The following STARD6 variants were observed in gnomAD, a reference collection of about 807,000 sequenced individuals.
The protein encoded by STARD6 is StAR related lipid transfer domain containing 6, also known as stAR-related lipid transfer protein 6.
A neutral mutation model predicts 22.3 loss-of-function variants in STARD6; 21 were observed. That is an observed-to-expected ratio of 0.94 (90% confidence interval 0.67 to 1.35). The LOEUF is 1.35. Among genes scored for constraint, STARD6 ranks in the 40% most tolerant of loss-of-function variants. STARD6 has a pLI of 0.00. For missense variants in STARD6, 269 were observed against 266.9 expected (o/e 1.01, Z -0.05); for synonymous variants, 80 against 88.1 (o/e 0.91, Z 0.52).
intron 4 of STARD6, among the ~76,000 whole-genome samples, chr18:54,344,012 G>A (rs1175474700): frequency 6.2e-5 from 3 of 48,126 alleles, no homozygotes; most frequent in East Asian, 1.1e-3. Context: ...GCCTCTGCCC[G>A]GCCGCCCCTA....
intron 5 of STARD6, among the ~76,000 whole-genome samples, chr18:54,334,140 C>A (rs2088889137): frequency 6.6e-6 from 1 of 152,124 alleles, no homozygotes; most frequent in African/African-American, 2.4e-5. Context: ...TATCTGATTC[C>A]TCTCTCCCTG....
intron 7 of STARD6, among the ~76,000 whole-genome samples, chr18:54,326,151 C>T (rs1168879551): frequency 6.6e-6 from 1 of 152,070 alleles, no homozygotes; most frequent in Non-Finnish European, 1.5e-5. Flanking sequence ...CAAAGGCATA[C>T]CTGTTATCCA....
chr18:54,329,351 C>T lies in STARD6; in HGVS notation c.475G>A (p.Glu159Lys), dbSNP rs2917782. The change falls in exon 7 of 8, where the codon GAA becomes AAA. Residue 159 changes from glutamate to lysine, a missense_variant. By Grantham distance (56) the Glu-to-Lys change is moderately conservative (BLOSUM62 1). Coordinates refer to ENST00000307844, the MANE Select transcript of STARD6 (RefSeq NM_139171.2). ...HPCGFVCSPM[E>K]ENPAYSKLVM... The stretch of plus-strand genomic sequence containing the variant: ...ATAAGTGCAAACAACACTTACTCTT[C>T]CATTGGTGAACATACAAAGCCACAA... The T allele has an allele frequency of 0.059, 93,809 of 1,584,258 alleles. 3,125 individuals are homozygous for T. The highest frequency in any genetic ancestry group is 0.093 in the African/African-American group (6,762 of 73,042).
chr18:54,353,713 T>C (rs1039280775), intron 4 of STARD6, among the ~76,000 whole-genome samples: 4 of 152,212 alleles, frequency 2.6e-5, no homozygotes, highest in African/African-American at 9.6e-5. Flanking sequence ...GTTCATTTAA[T>C]GGACACATGA....
chr18:54,342,567 C>G (rs2088982519), intron 4 of STARD6, among the ~76,000 whole-genome samples: 2 of 137,648 alleles, frequency 1.5e-5, no homozygotes, highest in African/African-American at 5.8e-5. Flanking sequence ...ACTGCAACCT[C>G]CCTGCCTGAT....
intron 7 of STARD6, among the ~76,000 whole-genome samples, chr18:54,325,246 C>CTA (rs1456222825): frequency 2.0e-5 from 3 of 151,646 alleles, no homozygotes; most frequent in Non-Finnish European, 2.9e-5. Context: ...TTCTCTCTCT[C>CTA]TATATATATA....
chr18:54,326,326 C>CTTTTT (rs11353724), intron 7 of STARD6, among the ~76,000 whole-genome samples: 13 of 120,274 alleles, frequency 1.1e-4, no homozygotes, highest in Non-Finnish European at 1.7e-4. Context: ...GCTGACAGGT[C>CTTTTT]TTTTTTTTTT....
chr18:54,349,538 G>C (rs1335975007), intron 4 of STARD6, among the ~76,000 whole-genome samples: 1 of 152,134 alleles, frequency 6.6e-6, no homozygotes, highest in Non-Finnish European at 1.5e-5. Context: ...TGGGGAAACA[G>C]GTGGTTTTTG....
At chr18:54,338,921 G>A (rs891636478) in intron 4 of STARD6, among the ~76,000 whole-genome samples, 1 of 151,720 alleles carries the variant, frequency 6.6e-6, no homozygotes, top group African/African-American at 2.4e-5. Flanking sequence ...GGTGGCATGT[G>A]CCTGTCATCC....
chr18:54,339,298 A>C (rs569000681), intron 4 of STARD6, among the ~76,000 whole-genome samples: 4 of 151,708 alleles, frequency 2.6e-5, no homozygotes, highest in Admixed American at 6.6e-5. Context: ...GAGAAAAAGA[A>C]AAATATGCAA....
chr18:54,331,654 A>G (rs2088865674), intron 6 of STARD6, 88 bp downstream of exon 6: 3 of 878,240 alleles, frequency 3.4e-6, no homozygotes, highest in South Asian at 1.9e-5. Context: ...TAATTAAAAT[A>G]TAATTTCTTT....
intron 1 of STARD6, chr18:54,357,114 T>C (rs2089155416): frequency 6.6e-6 from 1 of 152,266 alleles, no homozygotes; most frequent in African/African-American, 2.4e-5. Context: ...GTCAAGGATA[T>C]CTTCACTCAT....
At chr18:54,356,760 C>G (rs1657900) in intron 1 of STARD6, among the ~76,000 whole-genome samples, 2 of 152,122 alleles carry the variant, frequency 1.3e-5, no homozygotes, top group African/African-American at 4.8e-5. Context: ...TGTTAATCCC[C>G]GACCAGGGCT....
intron 4 of STARD6, among the ~76,000 whole-genome samples, chr18:54,341,145 C>T (rs899936656): frequency 1.7e-4 from 26 of 152,280 alleles, no homozygotes; most frequent in Non-Finnish European, 3.4e-4. Context: ...CTGCAACCTC[C>T]GCCTCCAGGG....
chr18:54,334,013 A>G (rs1376626310), intron 5 of STARD6, among the ~76,000 whole-genome samples: 5 of 152,222 alleles, frequency 3.3e-5, no homozygotes, highest in East Asian at 3.8e-4. Context: ...TTTTAAAAAC[A>G]GCTTATTGAG....
intron 4 of STARD6, among the ~76,000 whole-genome samples, chr18:54,346,151 A>G (rs2089031854): frequency 6.6e-6 from 1 of 152,166 alleles, no homozygotes; most frequent in Non-Finnish European, 1.5e-5. Context: ...GGGAGAAAAT[A>G]GTCGCAAATC....
intron 6 of STARD6, among the ~76,000 whole-genome samples, chr18:54,331,014 T>A (rs544587217): frequency 1.3e-5 from 2 of 152,064 alleles, no homozygotes; most frequent in Admixed American, 6.5e-5. Flanking sequence ...ACTAAAGATA[T>A]CTCGGAGGAA....
At chr18:54,335,158 C>T (rs2088896729) in intron 5 of STARD6, among the ~76,000 whole-genome samples, 1 of 150,616 alleles carries the variant, frequency 6.6e-6, no homozygotes. Flanking sequence ...CCCCCCATCC[C>T]TCCAGGTGGT....
chr18:54,337,114 C>T lies in STARD6; in HGVS notation c.267+11G>A. The T allele has an allele frequency of 6.2e-7, 1 of 1,601,644 alleles. No individual in the cohort carries two copies. The highest frequency in any genetic ancestry group is 8.5e-7 in the Non-Finnish European group (1 of 1,174,676). ...AATGTTCTAGAAGTCCAGTATTAAA[C>T]AACAAATTACCGAATCAATCCTGTG... is the stretch of plus-strand genomic sequence containing the variant. On this transcript the variant is annotated intron_variant, in intron 5 of 7. Coordinates refer to ENST00000307844, the MANE Select transcript of STARD6 (RefSeq NM_139171.2).
Sources: gnomAD v4.1 joint callset for allele counts (sites outside exome capture counted in the v4.1 genomes callset) on GRCh38, gnomAD v4.1.1 for gene constraint, MANE v1.5 for transcripts, NCBI Gene and HGNC (gene_info 2026-07-23, HGNC 2026-07-21) for gene names.